The following PARD3 variants were observed in gnomAD, a reference collection of about 807,000 sequenced individuals.
PARD3 encodes par-3 family cell polarity regulator.
A neutral mutation model predicts 155.4 loss-of-function variants in PARD3; 75 were observed. The observed-to-expected ratio is 0.48, with a 90% confidence interval of 0.40 to 0.58. PARD3 has a LOEUF of 0.58. Ranked by LOEUF, PARD3 falls within the 20% of genes least tolerant of loss-of-function variation. The pLI is 0.00. For synonymous variants in PARD3, 576 were observed against 610.5 expected, an observed-to-expected ratio of 0.94 and a Z score of 0.83; for missense variants, 1,642 against 1,721.7, an observed-to-expected ratio of 0.95 and a Z score of 0.82.
chr10:34,799,598 C>T (rs1338630051), intron 1 of PARD3, among the ~76,000 whole-genome samples: 1 of 152,184 alleles, frequency 6.6e-6, no homozygotes, highest in Non-Finnish European at 1.5e-5. Flanking sequence ...CGCGGGATCA[C>T]TTACTCTTTC....
At chr10:34,474,629 G>A (rs1346875169) in intron 3 of PARD3, among the ~76,000 whole-genome samples, 2 of 152,146 alleles carry the variant, frequency 1.3e-5, no homozygotes, top group Admixed American at 6.5e-5. Context: ...TGCGACCCAC[G>A]TCACAGATGA....
chr10:34,235,783 T>C (rs17553567), intron 22 of PARD3, among the ~76,000 whole-genome samples: 2 of 152,106 alleles, frequency 1.3e-5, no homozygotes, highest in African/African-American at 2.4e-5. Flanking sequence ...GGCTTTTGCA[T>C]GTCTTTTATA....
intron 1 of PARD3, among the ~76,000 whole-genome samples, chr10:34,766,901 C>A (rs1838170690): frequency 6.6e-6 from 1 of 152,094 alleles, no homozygotes; most frequent in African/African-American, 2.4e-5. Flanking sequence ...GTGGAAGAAA[C>A]CAGCAACTGA....
chr10:34,349,685 C>G (rs1005624004), intron 14 of PARD3, among the ~76,000 whole-genome samples: 1 of 148,690 alleles, frequency 6.7e-6, no homozygotes, highest in Non-Finnish European at 1.5e-5. Context: ...AAAAGTATAC[C>G]TACATAAAGA....
At chr10:34,578,120 C>T (rs2087059720) in intron 2 of PARD3, among the ~76,000 whole-genome samples, 1 of 151,848 alleles carries the variant, frequency 6.6e-6, no homozygotes, top group South Asian at 2.1e-4. Flanking sequence ...AGCAATCCTG[C>T]TGCTTCAGCC....
At chr10:34,370,807 GGTGTGTGTGTGT>G (rs3040369) in intron 12 of PARD3, among the ~76,000 whole-genome samples, 67 of 145,670 alleles carry the variant, frequency 4.6e-4, no homozygotes, top group Admixed American at 6.2e-4. Context: ...ATACAAATGG[GGTGTGTGTGTGT>G]GTGTGTGTGT....
At chr10:34,186,125 G>T (rs138947217) in intron 22 of PARD3, among the ~76,000 whole-genome samples, 2 of 151,780 alleles carry the variant, frequency 1.3e-5, no homozygotes, top group South Asian at 2.1e-4. Context: ...CAACGAGCAG[G>T]GGGGAGGCAT....
chr10:34,780,943 T>C (rs1218049513), intron 1 of PARD3, among the ~76,000 whole-genome samples: 1 of 152,230 alleles, frequency 6.6e-6, no homozygotes. Flanking sequence ...TTCACACAGC[T>C]ATAACGGGAA....
intron 20 of PARD3, among the ~76,000 whole-genome samples, chr10:34,309,544 T>C (rs1348015637): frequency 2.6e-5 from 2 of 75,910 alleles, no homozygotes; most frequent in East Asian, 1.2e-3. Flanking sequence ...CAAGACCCTG[T>C]CTCCAAAAAA....
chr10:34,732,071 A>G (rs909993394), intron 1 of PARD3, among the ~76,000 whole-genome samples: 3 of 152,230 alleles, frequency 2.0e-5, no homozygotes, highest in Admixed American at 2.0e-4. Flanking sequence ...CCCTGTCTCT[A>G]ACTTTAAAAG....
intron 2 of PARD3, among the ~76,000 whole-genome samples, chr10:34,596,487 G>A (rs763686634): frequency 6.6e-6 from 1 of 152,134 alleles, no homozygotes; most frequent in South Asian, 2.1e-4. Context: ...TAGCACCAGA[G>A]AGAATTAGTG....
intron 20 of PARD3, among the ~76,000 whole-genome samples, chr10:34,301,350 T>G (rs1173788796): frequency 6.6e-6 from 1 of 152,206 alleles, no homozygotes; most frequent in Non-Finnish European, 1.5e-5. Context: ...ATCATTCTAA[T>G]TAATTAAAAA....
At chr10:34,413,426 C>T (rs1564685821) in intron 5 of PARD3, among the ~76,000 whole-genome samples, 1 of 143,162 alleles carries the variant, frequency 7.0e-6, no homozygotes, top group African/African-American at 2.6e-5. Flanking sequence ...TTCAGATTAG[C>T]ATTTCAAGGG....
intron 9 of PARD3, among the ~76,000 whole-genome samples, chr10:34,381,966 AGAAAAG>A (rs1841908044): frequency 6.6e-6 from 1 of 151,092 alleles, no homozygotes; most frequent in African/African-American, 2.4e-5. Flanking sequence ...AGAGAGGAAA[AGAAAAG>A]AAAAAAAAGA....
In PARD3 at chr10:34,605,779, ATATATATATCTCC is replaced by A. The variant is rs1465426392; in HGVS notation, c.223-88633_223-88621del. Among the ~76,000 whole-genome samples, 20 of 3,242 alleles carry A rather than the reference ATATATATATCTCC, an allele frequency of 6.2e-3. 6 individuals carry two copies. Among genetic ancestry groups the A allele is most frequent in the Admixed American group, 0.017 (3 of 176 alleles). 2.1% of individuals were successfully genotyped at this position (3,242 alleles called of 152,430 possible). On this transcript the variant is annotated intron_variant, in intron 2 of 24. Transcript: ENST00000374788. ...TCTCCTATATATATATATATCTCCT[ATATATATATCTCC>A]TATATATATATCTCCTATATATATA...
At chr10:34,797,438 C>CTGGGATT (rs1360017241) in intron 1 of PARD3, among the ~76,000 whole-genome samples, 2 of 152,200 alleles carry the variant, frequency 1.3e-5, no homozygotes, top group Non-Finnish European at 2.9e-5. Context: ...AGGCGTGAGG[C>CTGGGATT]ACCGCACCTG....
intron 4 of PARD3, among the ~76,000 whole-genome samples, chr10:34,467,577 G>A (rs1043051894): frequency 1.3e-5 from 2 of 151,328 alleles, no homozygotes; most frequent in Admixed American, 6.6e-5. Context: ...GCAAGACCCC[G>A]TTTCTAAAAA....
chr10:34,626,974 T>C (rs1290732208), intron 2 of PARD3, among the ~76,000 whole-genome samples: 2 of 152,166 alleles, frequency 1.3e-5, no homozygotes, highest in African/African-American at 4.8e-5. Context: ...AAGACTCCAC[T>C]TTCAAAGCCA....
chr10:34,362,703 CA>C (rs1188903772), intron 12 of PARD3, among the ~76,000 whole-genome samples: 4 of 152,188 alleles, frequency 2.6e-5, no homozygotes, highest in African/African-American at 9.7e-5. Context: ...CCATGTTGGC[CA>C]GGCTGGTTTC....
Sources: allele counts gnomAD v4.1 joint callset (sites outside exome capture counted in the v4.1 genomes callset), GRCh38; gene constraint gnomAD v4.1.1; transcripts MANE v1.5; gene names NCBI Gene and HGNC (gene_info 2026-07-23, HGNC 2026-07-21).